The following IGFLR1 variants were observed in gnomAD, a reference collection of about 807,000 sequenced individuals.
The protein encoded by IGFLR1 is IGF-like family receptor 1.
IGFLR1 carries 17 observed loss-of-function variants against 23.4 expected under a neutral mutation model. The ratio of observed to expected loss-of-function variants is 0.73; its 90% CI spans 0.50 to 1.09. IGFLR1 has a LOEUF of 1.09. Ranked by LOEUF, IGFLR1 falls within the 50% of genes least tolerant of loss-of-function variation. The pLI is 0.00. For synonymous variants in IGFLR1, 265 were observed against 210.7 expected, an observed-to-expected ratio of 1.26 and a Z score of -2.23; for missense variants, 556 against 459.2, an observed-to-expected ratio of 1.21 and a Z score of -1.93.
At chr19:35,742,146 C>G (rs11669645) in intron 1 of IGFLR1, among the ~76,000 whole-genome samples, 3 of 152,148 alleles carry the variant, frequency 2.0e-5, no homozygotes, top group African/African-American at 4.8e-5. Context: ...AAAACAGCAC[C>G]TCACATACAG....
chr19:35,739,142 G>A lies in IGFLR1; in HGVS notation c.*138C>T. On this transcript the variant is annotated 3_prime_UTR_variant, in exon 5 of 5. Transcript: ENST00000246532. ...CTCCCACATGTGGCCCTGTGTGTAT[G>A]TTGGAATAGGCCCTTCTAGGGCGAA... 1.2e-6 allele frequency: 1 copy of A among 864,844 alleles called. No individual in the cohort carries two copies. The highest frequency in any genetic ancestry group is 1.7e-6 in the Non-Finnish European group (1 of 572,588). The allele number at this position is 864,844 out of a possible 1,614,324, so 53.6% of individuals were successfully genotyped here. A position where few individuals can be genotyped will look rare whatever the true frequency, so the allele number is the denominator to read the frequency against.
rs143428422 is a variant in IGFLR1, at chr19:35,739,579, G to T, written c.769C>A (p.Leu257Met). 1.4e-5 allele frequency: 23 copies of T among 1,613,842 alleles called. No individual in the cohort carries two copies. In the African/African-American group the frequency reaches 2.5e-4, roughly 18 times the overall value. Residue 257 changes from leucine (L) to methionine (M), a missense_variant, in exon 5 of 5, where the codon CTG becomes ATG. By Grantham distance (15) the Leu-to-Met change is conservative. Coordinates refer to ENST00000246532, the MANE Select transcript of IGFLR1 (RefSeq NM_024660.4). ...ACAATCAGCTCTTCCAGCACCTCCA[G>T]CTCATCCAGGAGGCGAGACAGGGGT... Reference protein sequence around the residue: ...SQPLSRLLDELEVLEELIVLL... With the variant: ...SQPLSRLLDEMEVLEELIVLL...
At chr19:35,740,321 C>T in intron 3 of IGFLR1, 59 bp downstream of exon 3, 1 of 1,481,086 alleles carries the variant, frequency 6.8e-7, no homozygotes. Context: ...CGCCGGCTCC[C>T]TACATCTAGG....
In IGFLR1 at chr19:35,741,109, C is replaced by A. The variant is rs748122790; in HGVS notation, c.72G>T (p.Gln24His). 4.4e-6 allele frequency: 7 copies of A among 1,603,226 alleles called. No homozygotes were observed. Among genetic ancestry groups the A allele is most frequent in the Non-Finnish European group, 6.0e-6 (7 of 1,172,860 alleles). ...LALAPPPEAS[Q>H]YCGRLEYWNP... ...TCCAGTATTCAAGGCGGCCGCAGTA[C>A]TGGGAGGCTTCCGGCGGTGGCGCCA... Residue 24 changes from glutamine to histidine, a missense_variant, in exon 2 of 5, where the codon CAG (glutamine) becomes CAT (histidine). Transcript: ENST00000246532.
At chr19:35,740,722 T>G in intron 2 of IGFLR1, 158 bp from the exon 3 acceptor site, 1 of 735,988 alleles carries the variant, frequency 1.4e-6, no homozygotes, top group Non-Finnish European at 2.2e-6. Flanking sequence ...GGGCTCGCCT[T>G]TTCACCCCCC....
intron 3 of IGFLR1, 58 bp downstream of exon 3, chr19:35,740,322 T>C: frequency 2.0e-6 from 3 of 1,481,270 alleles, no homozygotes; most frequent in South Asian, 1.4e-5. Flanking sequence ...GCCGGCTCCC[T>C]ACATCTAGGC....
In IGFLR1 at chr19:35,740,099, G is replaced by A. The variant is rs372974835; in HGVS notation, c.343-11C>T. On this transcript the variant is annotated splice_polypyrimidine_tract_variant and intron_variant, in intron 3 of 4. Coordinates refer to ENST00000246532, the MANE Select transcript of IGFLR1 (RefSeq NM_024660.4). The stretch of plus-strand genomic sequence containing the variant: ...GGCAGGGACCGGCCTCTGGGGATAA[G>A]GGGTTGGAGTAAAGCTGGAGGCCAC... 2,848 of 1,604,160 alleles carry A rather than the reference G, an allele frequency of 1.8e-3. 3 individuals are homozygous for A. The highest frequency in any genetic ancestry group is 2.3e-3 in the Non-Finnish European group (2,723 of 1,176,726).
rs1287745233 is a variant in IGFLR1 at position 35,739,382 on chromosome 19, A to G, written c.966T>C (p.Ser322=). ...GTGTGCCAAGCTGGCCCAGGGAGGC[A>G]GAGGGCTCCCTTGCCACCACCATCT... ...LIEMVVAREP[S]ASLGQLGTHL... The change falls in exon 5 of 5, where the codon TCT becomes TCC. Residue 322 remains serine, a synonymous_variant. Transcript: ENST00000246532. 5 of 1,613,186 alleles carry G rather than the reference A, an allele frequency of 3.1e-6. No homozygotes were observed. Among genetic ancestry groups the G allele is most frequent in the Non-Finnish European group, 8.5e-7 (1 of 1,179,768 alleles).
chr19:35,741,310 C>A, intron 1 of IGFLR1, 87 bp from the exon 2 acceptor site: 4 of 1,399,166 alleles, frequency 2.9e-6, no homozygotes, highest in Non-Finnish European at 3.9e-6. Flanking sequence ...AGCCGGGAAT[C>A]TACCCCCGAG....
chr19:35,740,608 C>T, intron 2 of IGFLR1, 44 bp from the exon 3 acceptor site: 2 of 1,545,770 alleles, frequency 1.3e-6, no homozygotes, highest in African/African-American at 1.4e-5. Context: ...TAGCCCGCCC[C>T]TGCGCGGGCA....
At position 35,740,975 on chromosome 19, in the gene IGFLR1, C is replaced by T. The variant is rs895147138; in HGVS notation, c.157+49G>A. 1.9e-6 allele frequency: 3 copies of T among 1,582,158 alleles called. No individual in the cohort carries two copies. In the South Asian group the frequency reaches 3.4e-5, roughly 18 times the overall value. On this transcript the variant is annotated intron_variant, in intron 2 of 4. Coordinates refer to ENST00000246532, the MANE Select transcript of IGFLR1 (RefSeq NM_024660.4). ...ACAGACCTCGCCCCTTCCCCGCTCC[C>T]TATCACCTGCAAGCTCCGCCCAAGC... is the stretch of plus-strand genomic sequence containing the variant.
Position 35,739,448 on chromosome 19 carries a change from A to G in IGFLR1, c.900T>C (p.Tyr300=). The G allele has an allele frequency of 3.1e-6, 5 of 1,613,978 alleles. No homozygotes were observed. The highest frequency in any genetic ancestry group is 1.6e-4 in the Middle Eastern group (1 of 6,062). ...GCGGCGAGCGACTCGGCCTCAGCGA[A>G]TAGGCAAAGGTGGACCAGGCAGCAG... is the stretch of plus-strand genomic sequence containing the variant. The part of the protein sequence containing the change: ...GLPAAWSTFA[Y]SLRPSRSPLR... The change falls in exon 5 of 5, where the codon TAT becomes TAC. Residue 300 remains tyrosine, a synonymous_variant. Transcript: ENST00000246532.
chr19:35,739,892 A>G lies in IGFLR1; in HGVS notation c.539T>C (p.Leu180Pro). The G allele has an allele frequency of 1.2e-6, 2 of 1,614,104 alleles. No homozygotes were observed. The highest frequency in any genetic ancestry group is 1.1e-5 in the South Asian group (1 of 91,088). Residue 180 changes from leucine (L) to proline (P), a missense_variant, in exon 4 of 5, where the codon CTG becomes CCG. Physicochemically the swap from Leu to Pro is moderately conservative, Grantham distance 98. Transcript: ENST00000246532. ...GCAGAGATGCCAGAGCAGAATAAAC[A>G]GGAGGATCGCTATCACCGCCAAGGT... ...LLTLAVIAIL[L>P]FILLWHLCWP... is the part of the protein sequence containing the mutation.
Position 35,740,514 on chromosome 19 carries a change from T to C in IGFLR1, c.208A>G (p.Thr70Ala). 6.2e-7 allele frequency: 1 copy of C among 1,612,670 alleles called. No homozygotes were observed. Among genetic ancestry groups the C allele is most frequent in the South Asian group, 1.1e-5 (1 of 91,052 alleles). ...GAAGAACACTTTCGGAACGGGGGCG[T>C]TACGAAATCGCCGTGGTCATTGAGT... Reference protein sequence around the residue: ...CGLNDHGDFVTPPFRKCSSGQ... With the variant: ...CGLNDHGDFVAPPFRKCSSGQ... Residue 70 changes from threonine to alanine, a missense_variant, in exon 3 of 5, where the codon ACG becomes GCG. Thr to Ala is a moderately conservative substitution (Grantham distance 58). Transcript: ENST00000246532.
chr19:35,740,429 G>A lies in IGFLR1; in HGVS notation c.293C>T (p.Thr98Ile), dbSNP rs1460278745. The change falls in exon 3 of 5, where the codon ACC (threonine) becomes ATC (isoleucine). Residue 98 changes from threonine (T) to isoleucine (I), a missense_variant. Coordinates refer to ENST00000246532, the MANE Select transcript of IGFLR1 (RefSeq NM_024660.4). Reference protein sequence around the residue: ...LCSPCGGGAVTPTPAAGGGRT... With the variant: ...LCSPCGGGAVIPTPAAGGGRT... ...GCCCCCGCCCGCGGCGGGAGTAGGG[G>A]TCACGGCTCCGCCGCCGCAGGGGCT... 3.7e-6 allele frequency: 6 copies of A among 1,611,122 alleles called. No homozygotes were observed. The highest frequency in any genetic ancestry group is 5.1e-6 in the Non-Finnish European group (6 of 1,179,018).
rs1396519715 is a variant in IGFLR1, at chr19:35,740,527, G to A, written c.195C>T (p.His65=). 2.5e-6 allele frequency: 4 copies of A among 1,611,738 alleles called. No individual in the cohort carries two copies. Among genetic ancestry groups the A allele is most frequent in the East Asian group, 4.5e-5 (2 of 44,860 alleles). Residue 65 remains histidine (H), a synonymous_variant, in exon 3 of 5, where the codon CAC becomes CAT. Transcript: ENST00000246532. The part of the protein sequence containing the change: ...EFRENCGLND[H]GDFVTPPFRK... Reference sequence around the variant, plus strand: ...GGAACGGGGGCGTTACGAAATCGCCGTGGTCATTGAGTCCGCAGTTTTCCC... The same window carrying A: ...GGAACGGGGGCGTTACGAAATCGCCATGGTCATTGAGTCCGCAGTTTTCCC...
chr19:35,740,134 C>G (rs1052697918), intron 3 of IGFLR1, 46 bp from the exon 4 acceptor site: 2 of 1,546,326 alleles, frequency 1.3e-6, no homozygotes, highest in Non-Finnish European at 8.7e-7. Context: ...CACTCCACTC[C>G]TGCCCGCTCC....
rs1472908496 is a variant in IGFLR1 at position 35,742,413 on chromosome 19, C to G, written c.-61G>C. On this transcript the variant is annotated 5_prime_UTR_variant, in exon 1 of 5. Coordinates refer to ENST00000246532, the MANE Select transcript of IGFLR1 (RefSeq NM_024660.4). ...ACCAGTACCGTTAGGGTCCTGGGTC[C>G]CAAGCTGGCCGTGCCAAGTTCCTCA... 1.3e-6 allele frequency: 2 copies of G among 1,533,366 alleles called. No homozygotes were observed. The highest frequency in any genetic ancestry group is 3.9e-5 in the Admixed American group (2 of 50,854). 95.0% of individuals were successfully genotyped at this position (1,533,366 alleles called of 1,614,324 possible). A position where few individuals can be genotyped will look rare whatever the true frequency, so the allele number is the denominator to read the frequency against.
chr19:35,740,799 G>A, intron 2 of IGFLR1: 1 of 631,564 alleles, frequency 1.6e-6, no homozygotes, highest in Non-Finnish European at 2.7e-6. Flanking sequence ...CCCTTTCCAC[G>A]CGGCCCCTAT....
Sources: allele counts gnomAD v4.1 joint callset (sites outside exome capture counted in the v4.1 genomes callset), GRCh38; gene constraint gnomAD v4.1.1; transcripts MANE v1.5; gene names NCBI Gene and HGNC (gene_info 2026-07-23, HGNC 2026-07-21).